Variants in RAD9B observed in about 807,000 individuals in gnomAD.
RAD9B encodes the protein RAD9 checkpoint clamp component B, also known as cell cycle checkpoint control protein RAD9B.
RAD9B carries 41 observed loss-of-function variants against 48.3 expected under a neutral mutation model. The ratio of observed to expected loss-of-function variants is 0.85; its 90% confidence interval spans 0.66 to 1.10. RAD9B has a LOEUF of 1.10. Among genes scored for constraint, RAD9B ranks in the 50% least tolerant of loss-of-function variants. The pLI, the probability that RAD9B is intolerant of heterozygous loss-of-function variation, is 0.00. For missense variants in RAD9B, 444 were observed against 485.1 expected, an observed-to-expected ratio of 0.92 and a Z score of 0.80; for synonymous variants, 160 against 157.9, an observed-to-expected ratio of 1.01 and a Z score of -0.10.
Position 110,531,298 on chromosome 12 carries a change from T to C in RAD9B, c.*645T>C. ...ACATCTGCCTCCCAGGTCCAAGCGATTCTCCTGCCTCAGCCTCCCGTGCAG... is the reference window on the plus strand; with the variant it reads ...ACATCTGCCTCCCAGGTCCAAGCGACTCTCCTGCCTCAGCCTCCCGTGCAG... On this transcript the variant is annotated 3_prime_UTR_variant, in exon 11 of 11. Coordinates refer to ENST00000409300, the MANE Select transcript of RAD9B (RefSeq NM_001286535.2). The C allele has an allele frequency of 4.4e-6, 2 of 450,088 alleles. No individual in the cohort carries two copies. The highest frequency in any genetic ancestry group is 3.4e-6 in the Non-Finnish European group (1 of 291,972). 27.9% of individuals were successfully genotyped at this position (450,088 alleles called of 1,614,324 possible).
chr12:110,517,617 C>T (rs1416791943), intron 6 of RAD9B, among the ~76,000 whole-genome samples: 1 of 151,078 alleles, frequency 6.6e-6, no homozygotes, highest in African/African-American at 2.4e-5. Context: ...GAATGAGACT[C>T]CATCTCAAAA....
intron 4 of RAD9B, among the ~76,000 whole-genome samples, chr12:110,511,136 A>G (rs896642861): frequency 1.3e-5 from 2 of 152,196 alleles, no homozygotes; most frequent in African/African-American, 4.8e-5. Flanking sequence ...TGCAATCACT[A>G]TTTTACACGC....
intron 10 of RAD9B, among the ~76,000 whole-genome samples, chr12:110,523,867 A>G (rs1408874601): frequency 2.0e-5 from 3 of 152,200 alleles, no homozygotes; most frequent in African/African-American, 7.2e-5. Context: ...TTTTAAAGGG[A>G]ATTATTTGCC....
At chr12:110,510,565 A>AGGT (rs1222716468) in intron 4 of RAD9B, among the ~76,000 whole-genome samples, 2 of 152,186 alleles carry the variant, frequency 1.3e-5, no homozygotes, top group Non-Finnish European at 2.9e-5. Flanking sequence ...ATTAAAGAAT[A>AGGT]GGTGAGAGGC....
Position 110,505,677 on chromosome 12 carries a change from G to A in RAD9B, c.178G>A (p.Val60Met), listed in dbSNP as rs1445002037. Reference protein sequence around the residue: ...SAYGCVLFSPVFFQHYQWSAL... With the variant: ...SAYGCVLFSPMFFQHYQWSAL... ...ATATGGATGTGTCCTGTTCTCTCCT[G>A]TGTTTTTTCAGCATTATCAATGGTC... Residue 60 changes from valine to methionine, a missense_variant, in exon 3 of 11, where the codon GTG becomes ATG. Val to Met is a conservative substitution (Grantham distance 21). Coordinates refer to ENST00000409300, the MANE Select transcript of RAD9B (RefSeq NM_001286535.2). 2.5e-6 allele frequency: 4 copies of A among 1,592,932 alleles called. No homozygotes were observed. The highest frequency in any genetic ancestry group is 3.5e-5 in the Admixed American group (2 of 56,428).
At chr12:110,515,253 C>G in intron 6 of RAD9B, 97 bp downstream of exon 6, 1 of 670,378 alleles carries the variant, frequency 1.5e-6, no homozygotes, top group Non-Finnish European at 2.5e-6. Context: ...AATTTTATTC[C>G]TGTCTAAAAA....
chr12:110,530,881 GT>G lies in RAD9B; in HGVS notation c.*232del, dbSNP rs1410244297. On this transcript the variant is annotated 3_prime_UTR_variant, in exon 11 of 11. Transcript: ENST00000409300. Reference sequence around the variant, plus strand: ...ATTATGCTACTTGTGAGGCAGAAGAGTTTTCTGTGAAGGAAAAAAGCCCATT... The same window carrying G: ...ATTATGCTACTTGTGAGGCAGAAGAGTTTCTGTGAAGGAAAAAAGCCCATT... 2.8e-5 allele frequency: 35 copies of G among 1,257,088 alleles called. No homozygotes were observed. Among genetic ancestry groups the G allele is most frequent in the Non-Finnish European group, 3.3e-5 (33 of 996,142 alleles). The allele number at this position is 1,257,088 out of a possible 1,614,324, so 77.9% of individuals were successfully genotyped here. A position where few individuals can be genotyped will look rare whatever the true frequency, so the allele number is the denominator to read the frequency against.
intron 6 of RAD9B, among the ~76,000 whole-genome samples, chr12:110,515,786 T>G (rs981659014): frequency 2.0e-4 from 31 of 152,154 alleles, no homozygotes; most frequent in Admixed American, 1.8e-3. Flanking sequence ...GAACTATTAT[T>G]TTAAAGTGAA....
At chr12:110,505,504 C>A in intron 2 of RAD9B, 113 bp from the exon 3 acceptor site, 1 of 853,870 alleles carries the variant, frequency 1.2e-6, no homozygotes, top group Non-Finnish European at 1.7e-6. Context: ...TGGTCTCAGA[C>A]TCCTGGCTTC....
intron 10 of RAD9B, among the ~76,000 whole-genome samples, chr12:110,525,071 C>T (rs1236846882): frequency 6.6e-6 from 1 of 152,114 alleles, no homozygotes; most frequent in African/African-American, 2.4e-5. Flanking sequence ...CTGCAACCTC[C>T]ACCTCCCGGG....
At chr12:110,530,167 C>T (rs888171293) in intron 10 of RAD9B, among the ~76,000 whole-genome samples, 12 of 152,114 alleles carry the variant, frequency 7.9e-5, no homozygotes, top group African/African-American at 1.4e-4. Context: ...CTCAGCCTCC[C>T]GAGTAGCTAG....
chr12:110,515,036 T>G lies in RAD9B; in HGVS notation c.489-14T>G. 4 of 1,477,608 alleles carry G rather than the reference T, an allele frequency of 2.7e-6. No homozygotes were observed. The highest frequency in any genetic ancestry group is 3.7e-6 in the Non-Finnish European group (4 of 1,080,604). The allele number at this position is 1,477,608 out of a possible 1,614,324, so 91.5% of individuals were successfully genotyped here. ...TTTTCAAATAATGTTAATACTGTTC[T>G]TTACATTTTATAGATTGCTTGCTGA... On this transcript the variant is annotated splice_polypyrimidine_tract_variant and intron_variant, in intron 5 of 10. Transcript: ENST00000409300.
At chr12:110,523,328 G>A (rs530662656) in intron 10 of RAD9B, among the ~76,000 whole-genome samples, 33 of 152,220 alleles carry the variant, frequency 2.2e-4, no homozygotes, top group African/African-American at 7.7e-4. Flanking sequence ...TGAGGAGGTT[G>A]AAGTGGGAGG....
Position 110,506,711 on chromosome 12 carries a change from T to G in RAD9B, c.388+18T>G. ...CAGACATGGTAGGTATAATTAAAAG[T>G]GGTTTAAAATACTATGTTTTTTTCT... On this transcript the variant is annotated intron_variant, in intron 4 of 10. Transcript: ENST00000409300. 8.4e-7 allele frequency: 1 copy of G among 1,185,624 alleles called. No individual in the cohort carries two copies. Among genetic ancestry groups the G allele is most frequent in the Non-Finnish European group, 1.2e-6 (1 of 804,162 alleles). The allele number at this position is 1,185,624 out of a possible 1,614,324, so 73.4% of individuals were successfully genotyped here.
chr12:110,508,868 C>T (rs1426832848), intron 4 of RAD9B, among the ~76,000 whole-genome samples: 3 of 152,190 alleles, frequency 2.0e-5, no homozygotes, highest in African/African-American at 7.2e-5. Context: ...GATCTTGGCT[C>T]ACTGCAGCCT....
intron 9 of RAD9B, among the ~76,000 whole-genome samples, chr12:110,520,883 T>TCA (rs2063765980): frequency 6.6e-6 from 1 of 150,712 alleles, no homozygotes; most frequent in East Asian, 2.0e-4. Flanking sequence ...ACTCCTGACC[T>TCA]TGTGATCTGC....
chr12:110,506,742 G>T, intron 4 of RAD9B, 49 bp downstream of exon 4: 1 of 876,150 alleles, frequency 1.1e-6, no homozygotes. Context: ...TTTCTCAATA[G>T]TTTTCATGTT....
intron 10 of RAD9B, among the ~76,000 whole-genome samples, chr12:110,526,818 A>C (rs1046595074): frequency 5.9e-5 from 9 of 151,784 alleles, no homozygotes; most frequent in African/African-American, 2.2e-4. Flanking sequence ...CTGAGGCAGG[A>C]GAATGGCATG....
At position 110,515,225 on chromosome 12, in the gene RAD9B, T is replaced by C. The variant is rs1021104924; in HGVS notation, c.595+69T>C. 5.2e-6 allele frequency: 4 copies of C among 769,124 alleles called. No individual in the cohort carries two copies. The African/African-American group carries it at 7.0e-5, about 14-fold the overall frequency. The allele number at this position is 769,124 out of a possible 1,614,324, so 47.6% of individuals were successfully genotyped here. ...CCTGTCTCTCGATTACTAACCATAC[T>C]GCAAATATTAGTGACATAATTTTAT... On this transcript the variant is annotated intron_variant, in intron 6 of 10. Coordinates refer to ENST00000409300, the MANE Select transcript of RAD9B (RefSeq NM_001286535.2).
Sources: gnomAD v4.1 joint callset for allele counts (sites outside exome capture counted in the v4.1 genomes callset) on GRCh38, gnomAD v4.1.1 for gene constraint, MANE v1.5 for transcripts, NCBI Gene and HGNC (gene_info 2026-07-23, HGNC 2026-07-21) for gene names.